The following GORASP2 variants were observed in gnomAD, a reference collection of about 807,000 sequenced individuals.
GORASP2 encodes golgi reassembly stacking protein 2.
GORASP2 carries 22 observed loss-of-function variants against 45.7 expected under a neutral mutation model. That is an observed-to-expected ratio of 0.48 (90% confidence interval 0.34 to 0.69). GORASP2 has a LOEUF of 0.69. Ranked by LOEUF, GORASP2 falls within the 30% of genes least tolerant of loss-of-function variation. GORASP2 has a pLI of 0.01. For synonymous variants in GORASP2, 221 were observed against 215.6 expected, an observed-to-expected ratio of 1.02 and a Z score of -0.22; for missense variants, 491 against 562.7, an observed-to-expected ratio of 0.87 and a Z score of 1.29.
At chr2:170,950,085 C>G in intron 3 of GORASP2, 119 bp from the exon 4 acceptor site, 1 of 593,888 alleles carries the variant, frequency 1.7e-6, no homozygotes, top group Non-Finnish European at 3.0e-6. Flanking sequence ...TCTGACACAT[C>G]TCTAGCAAGA....
chr2:170,952,729 G>A (rs1704325627), intron 5 of GORASP2, among the ~76,000 whole-genome samples: 1 of 152,186 alleles, frequency 6.6e-6, no homozygotes, highest in South Asian at 2.1e-4. Flanking sequence ...TGCTCTCTGG[G>A]CTGGAGCACA....
At chr2:170,950,181 G>GT in intron 3 of GORASP2, 23 bp from the exon 4 acceptor site, 1 of 1,153,198 alleles carries the variant, frequency 8.7e-7, no homozygotes, top group South Asian at 1.3e-5. Context: ...TTAATTTTAG[G>GT]GTGTGTGTTT....
chr2:170,932,368 T>C (rs1703844821), intron 1 of GORASP2, among the ~76,000 whole-genome samples: 1 of 152,254 alleles, frequency 6.6e-6, no homozygotes, highest in Non-Finnish European at 1.5e-5. Flanking sequence ...CAAGTGGCCA[T>C]CTGCTTCATG....
intron 5 of GORASP2, among the ~76,000 whole-genome samples, chr2:170,952,271 C>G (rs1704316307): frequency 6.6e-6 from 1 of 152,186 alleles, no homozygotes; most frequent in South Asian, 2.1e-4. Flanking sequence ...ATCACATATT[C>G]TTTCATTTTT....
At chr2:170,931,276 A>G (rs1448503716) in intron 1 of GORASP2, among the ~76,000 whole-genome samples, 3 of 152,198 alleles carry the variant, frequency 2.0e-5, no homozygotes, top group African/African-American at 7.2e-5. Flanking sequence ...AATAGTAATG[A>G]TCTAGTTTAG....
rs376887890 is a variant in GORASP2, at chr2:170,956,260, C to T, written c.700-176C>T. Among the ~76,000 whole-genome samples, 3 of 152,270 alleles carry T rather than the reference C, an allele frequency of 2.0e-5. No homozygotes were observed. In the South Asian group the frequency reaches 6.2e-4, roughly 32 times the overall value. On this transcript the variant is annotated intron_variant, in intron 6 of 9. Coordinates refer to ENST00000234160, the MANE Select transcript of GORASP2 (RefSeq NM_015530.5). ...GAGAGAGATGCTTACAGTGCATGGT[C>T]CGTGACATGTACCAAAATTAGGAGG...
intron 1 of GORASP2, among the ~76,000 whole-genome samples, chr2:170,932,492 T>C (rs1156273208): frequency 6.6e-6 from 1 of 152,240 alleles, no homozygotes; most frequent in Non-Finnish European, 1.5e-5. Context: ...ATTTACAACC[T>C]TAAATCCTAC....
chr2:170,940,583 G>A (rs1418306765), intron 1 of GORASP2, among the ~76,000 whole-genome samples: 2 of 151,664 alleles, frequency 1.3e-5, no homozygotes, highest in Non-Finnish European at 2.9e-5. Flanking sequence ...GGCTAAATCT[G>A]GTAAAACTTT....
chr2:170,950,461 TA>T (rs1704274832), intron 4 of GORASP2, among the ~76,000 whole-genome samples, 171 bp downstream of exon 4: 1 of 152,214 alleles, frequency 6.6e-6, no homozygotes, highest in Admixed American at 6.5e-5. Flanking sequence ...GGTGTCTTAT[TA>T]GGTATAGCTG....
chr2:170,941,437 A>G (rs936480966), intron 1 of GORASP2, among the ~76,000 whole-genome samples: 1 of 152,202 alleles, frequency 6.6e-6, no homozygotes, highest in African/African-American at 2.4e-5. Flanking sequence ...GCTTTATATT[A>G]AAAGAGTGCA....
At chr2:170,957,056 C>G (rs996333081) in intron 7 of GORASP2, among the ~76,000 whole-genome samples, 1 of 152,302 alleles carries the variant, frequency 6.6e-6, no homozygotes, top group South Asian at 2.1e-4. Flanking sequence ...TGGATACACA[C>G]GGGGTTTAAA....
Position 170,939,525 on chromosome 2 carries a change from G to A in GORASP2, c.64-8825G>A, listed in dbSNP as rs1704026424. 2.0e-5 allele frequency among the ~76,000 whole-genome samples: 3 copies of A among 152,296 alleles called. No individual in the cohort carries two copies. The South Asian group carries it at 6.2e-4, about 32-fold the overall frequency. On this transcript the variant is annotated intron_variant, in intron 1 of 9. Transcript: ENST00000234160. ...GGTCAACTGAGGTCCAAAAATATCA[G>A]ATGGAAAATTCCAGAAATAAACAGT...
At position 170,966,194 on chromosome 2, in the gene GORASP2, A is replaced by G. The variant is rs764467115; in HGVS notation, c.*64A>G. ...CCACGGGAGCGTGTCTGGAAACGCA[A>G]ACTATCATTAATTTCATACTAGTTT... On this transcript the variant is annotated 3_prime_UTR_variant, in exon 10 of 10. Transcript: ENST00000234160. The G allele has an allele frequency of 2.7e-6, 3 of 1,108,906 alleles. No homozygotes were observed. The highest frequency in any genetic ancestry group is 1.5e-5 in the African/African-American group (1 of 65,302). 68.7% of individuals were successfully genotyped at this position (1,108,906 alleles called of 1,614,324 possible).
upstream of GORASP2, chr2:170,929,200 C>T: frequency 1.8e-6 from 1 of 564,950 alleles, no homozygotes; most frequent in South Asian, 5.0e-5. Flanking sequence ...CAGAGACGAT[C>T]TCCCGGCGGG....
intron 4 of GORASP2, among the ~76,000 whole-genome samples, chr2:170,950,563 C>T (rs1008378299): frequency 3.3e-5 from 5 of 152,210 alleles, no homozygotes; most frequent in Non-Finnish European, 7.3e-5. Context: ...ATCAAATTCT[C>T]ATTTTCAATT....
chr2:170,956,413 GTT>G (rs574067455), intron 6 of GORASP2, 21 bp from the exon 7 acceptor site: 18 of 1,523,566 alleles, frequency 1.2e-5, no homozygotes, highest in Non-Finnish European at 1.6e-5. Context: ...TAATCTTTGT[GTT>G]TTTTTTTCTT....
Position 170,966,203 on chromosome 2 carries a change from T to C in GORASP2, c.*73T>C. 1 of 1,034,432 alleles carries C rather than the reference T, an allele frequency of 9.7e-7. No homozygotes were observed. Among genetic ancestry groups the C allele is most frequent in the Non-Finnish European group, 1.5e-6 (1 of 660,624 alleles). 64.1% of individuals were successfully genotyped at this position (1,034,432 alleles called of 1,614,324 possible). A position where few individuals can be genotyped will look rare whatever the true frequency, so the allele number is the denominator to read the frequency against. ...CGTGTCTGGAAACGCAAACTATCAT[T>C]AATTTCATACTAGTTTGTACCGTAT... On this transcript the variant is annotated 3_prime_UTR_variant, in exon 10 of 10. Transcript: ENST00000234160.
At chr2:170,947,111 T>G (rs977045537) in intron 1 of GORASP2, among the ~76,000 whole-genome samples, 1 of 152,166 alleles carries the variant, frequency 6.6e-6, no homozygotes, top group South Asian at 2.1e-4. Context: ...TTTGAGAATC[T>G]GATGAAAGCC....
intron 1 of GORASP2, 86 bp from the exon 2 acceptor site, chr2:170,948,264 G>T: frequency 1.3e-6 from 1 of 766,668 alleles, no homozygotes. Flanking sequence ...AGTGAAATTG[G>T]TCTATTTTTA....
Sources: allele counts gnomAD v4.1 joint callset (sites outside exome capture counted in the v4.1 genomes callset), GRCh38; gene constraint gnomAD v4.1.1; transcripts MANE v1.5; gene names NCBI Gene and HGNC (gene_info 2026-07-23, HGNC 2026-07-21).